Variants in TMEM268 observed in about 807,000 individuals in gnomAD.
The protein encoded by TMEM268 is transmembrane protein 268, also known as transmembrane protein C9orf91.
TMEM268 carries 24 observed loss-of-function variants against 39.1 expected under a neutral mutation model. The observed-to-expected ratio is 0.61, with a 90% CI of 0.44 to 0.86. The LOEUF is 0.86. Ranked by LOEUF, TMEM268 falls within the 40% of genes least tolerant of loss-of-function variation. The pLI is 0.00. For missense variants in TMEM268, 409 were observed against 428.6 expected (o/e 0.95, Z 0.40); for synonymous variants, 176 against 173.5 (o/e 1.01, Z -0.12).
At chr9:114,626,237 A>G (rs1846155009) in intron 3 of TMEM268, among the ~76,000 whole-genome samples, 1 of 152,192 alleles carries the variant, frequency 6.6e-6, no homozygotes, top group Non-Finnish European at 1.5e-5. Flanking sequence ...TGCTGGGATT[A>G]CAGGTGTGAG....
In TMEM268 at chr9:114,624,478, G is replaced by T. The variant is rs900864428; in HGVS notation, c.216+19G>T. On this transcript the variant is annotated intron_variant, in intron 3 of 8. Coordinates refer to ENST00000288502, the MANE Select transcript of TMEM268 (RefSeq NM_153045.4). ...CATCCAGGTGAGTGCTGATTTCCTTGAATCCCTACCATTTTCTCTTTCATC... is the reference window on the plus strand; with the variant it reads ...CATCCAGGTGAGTGCTGATTTCCTTTAATCCCTACCATTTTCTCTTTCATC... 6.4e-7 allele frequency: 1 copy of T among 1,555,808 alleles called. No individual in the cohort carries two copies. Among genetic ancestry groups the T allele is most frequent in the African/African-American group, 1.4e-5 (1 of 73,494 alleles).
chr9:114,636,364 C>G (rs1015584972), intron 6 of TMEM268, among the ~76,000 whole-genome samples: 5 of 152,150 alleles, frequency 3.3e-5, no homozygotes, highest in African/African-American at 1.2e-4. Flanking sequence ...TCACGCCCCG[C>G]CCATTGAGGA....
the TMEM268 span, among the ~76,000 whole-genome samples, chr9:114,604,599 A>G: frequency 1.3e-4 from 19 of 151,670 alleles, no homozygotes; most frequent in African/African-American, 4.6e-4. Flanking sequence ...AAAAAAAAAA[A>G]AAAAAAGACA....
At chr9:114,605,917 T>C in the TMEM268 span, among the ~76,000 whole-genome samples, 3 of 151,750 alleles carry the variant, frequency 2.0e-5, no homozygotes, top group East Asian at 5.8e-4. Flanking sequence ...GGTAACAAAG[T>C]TGAGATCCTG....
chr9:114,604,584 T>G, the TMEM268 span, among the ~76,000 whole-genome samples: 1 of 28,164 alleles, frequency 3.6e-5, no homozygotes, highest in Non-Finnish European at 6.6e-5. Flanking sequence ...AGACTCCGTC[T>G]CAAAAAAAAA....
upstream of TMEM268, among the ~76,000 whole-genome samples, chr9:114,610,272 C>T (rs1220085330): frequency 6.6e-6 from 1 of 152,194 alleles, no homozygotes; most frequent in Non-Finnish European, 1.5e-5. Context: ...CTCCCGACCT[C>T]AGGTAATCCT....
At chr9:114,622,315 A>G (rs1845977156) in intron 2 of TMEM268, 4 of 985,316 alleles carry the variant, frequency 4.1e-6, no homozygotes, top group Non-Finnish European at 4.8e-6. Flanking sequence ...GCCATAGAGA[A>G]TATGCCAAAA....
chr9:114,609,004 T>C (rs945304845), upstream of TMEM268, among the ~76,000 whole-genome samples: 2 of 152,074 alleles, frequency 1.3e-5, no homozygotes, highest in African/African-American at 4.8e-5. Flanking sequence ...GGAATATCTG[T>C]TAAAATAAAA....
At chr9:114,605,825 G>A in the TMEM268 span, among the ~76,000 whole-genome samples, 1 of 152,060 alleles carries the variant, frequency 6.6e-6, no homozygotes, top group Non-Finnish European at 1.5e-5. Flanking sequence ...AGCTACTTGT[G>A]GGGGCTAAAG....
intron 8 of TMEM268, among the ~76,000 whole-genome samples, chr9:114,642,302 T>C (rs1285763631): frequency 6.6e-6 from 1 of 152,232 alleles, no homozygotes; most frequent in African/African-American, 2.4e-5. Context: ...ACATGTCCTT[T>C]TGTGATAAAC....
At chr9:114,613,995 G>T (rs1845606613) in intron 1 of TMEM268, among the ~76,000 whole-genome samples, 1 of 152,152 alleles carries the variant, frequency 6.6e-6, no homozygotes, top group Non-Finnish European at 1.5e-5. Flanking sequence ...AAAGGGGCCT[G>T]TCTGGTGAGC....
At position 114,645,061 on chromosome 9, in the gene TMEM268, G is replaced by T. The variant is rs138406200; in HGVS notation, c.*1748G>T. 6.6e-6 allele frequency: 1 copy of T among 152,396 alleles called. No individual in the cohort carries two copies. Among genetic ancestry groups the T allele is most frequent in the Non-Finnish European group, 1.5e-5 (1 of 68,138 alleles). The allele number at this position is 152,396 out of a possible 1,614,324, so 9.4% of individuals were successfully genotyped here. On this transcript the variant is annotated 3_prime_UTR_variant, in exon 9 of 9. Coordinates refer to ENST00000288502, the MANE Select transcript of TMEM268 (RefSeq NM_153045.4). ...GATCCACCCGCCTCGGGCTCCCAAA[G>T]TGCTGGGATTACAGACGTGAGGCAC... is the stretch of plus-strand genomic sequence containing the variant.
chr9:114,640,418 A>G (rs761622211), intron 8 of TMEM268, among the ~76,000 whole-genome samples: 14 of 152,174 alleles, frequency 9.2e-5, no homozygotes, highest in Non-Finnish European at 1.6e-4. Context: ...GATAGCGATA[A>G]TGACCTCTTA....
rs749109473 is a variant in TMEM268, at chr9:114,624,332, C to T, written c.107-18C>T. On this transcript the variant is annotated intron_variant, in intron 2 of 8. Coordinates refer to ENST00000288502, the MANE Select transcript of TMEM268 (RefSeq NM_153045.4). Reference sequence around the variant, plus strand: ...ATGGTTATCACTCAGCCAGATGAAGCTTCTGGTCTGCTTCCAGAGCTCCAC... The same window carrying T: ...ATGGTTATCACTCAGCCAGATGAAGTTTCTGGTCTGCTTCCAGAGCTCCAC... 1.3e-6 allele frequency: 2 copies of T among 1,581,292 alleles called. No homozygotes were observed. The highest frequency in any genetic ancestry group is 2.3e-5 in the South Asian group (2 of 86,702).
intron 8 of TMEM268, among the ~76,000 whole-genome samples, chr9:114,639,326 AG>A (rs1846787506): frequency 6.6e-6 from 1 of 151,984 alleles, no homozygotes; most frequent in Non-Finnish European, 1.5e-5. Flanking sequence ...TATTAGAGGC[AG>A]GGTTTTGCCA....
At chr9:114,614,066 G>T (rs1488982959) in intron 1 of TMEM268, among the ~76,000 whole-genome samples, 3 of 152,208 alleles carry the variant, frequency 2.0e-5, no homozygotes, top group Non-Finnish European at 4.4e-5. Flanking sequence ...GCTATAGGAG[G>T]TAGACCTCTC....
chr9:114,622,316 T>C (rs1468277184), intron 2 of TMEM268: 22 of 985,236 alleles, frequency 2.2e-5, no homozygotes, highest in Non-Finnish European at 2.5e-5. Context: ...CCATAGAGAA[T>C]ATGCCAAAAT....
intron 7 of TMEM268, 101 bp downstream of exon 7, chr9:114,637,171 T>G: frequency 1.4e-6 from 1 of 740,298 alleles, no homozygotes; most frequent in African/African-American, 1.7e-5. Flanking sequence ...AAAAGTTACT[T>G]GGAAGAATAC....
chr9:114,619,483 G>A (rs6478092), intron 2 of TMEM268, among the ~76,000 whole-genome samples: 137,146 of 152,304 alleles, frequency 0.9, 61,795 homozygotes, highest in East Asian at 1. Flanking sequence ...ACATCCTGAA[G>A]GATCTTTGCA....
Sources: gnomAD v4.1 joint callset for allele counts (sites outside exome capture counted in the v4.1 genomes callset) on GRCh38, gnomAD v4.1.1 for gene constraint, MANE v1.5 for transcripts, NCBI Gene and HGNC (gene_info 2026-07-23, HGNC 2026-07-21) for gene names.